The following TMEM181 variants were observed in gnomAD, a reference collection of about 807,000 sequenced individuals.
TMEM181 encodes the protein transmembrane protein 181.
A neutral mutation model predicts 71.9 loss-of-function variants in TMEM181; 39 were observed. That is an observed-to-expected ratio of 0.54 (90% confidence interval 0.42 to 0.71). TMEM181 has a LOEUF of 0.71. Among genes scored for constraint, TMEM181 ranks in the 30% least tolerant of loss-of-function variants. The pLI is 0.00. For missense variants in TMEM181, 595 were observed against 583.0 expected (o/e 1.02, Z -0.21); for synonymous variants, 245 against 228.8 (o/e 1.07, Z -0.64).
intron 1 of TMEM181, among the ~76,000 whole-genome samples, chr6:158,554,686 T>C (rs1357061544): frequency 6.6e-6 from 1 of 152,240 alleles, no homozygotes; most frequent in African/African-American, 2.4e-5. Flanking sequence ...TAAGGGTCCA[T>C]GCTAGATCTT....
upstream of TMEM181, among the ~76,000 whole-genome samples, chr6:158,559,617 C>G (rs1782037759): frequency 6.6e-6 from 1 of 152,184 alleles, no homozygotes; most frequent in South Asian, 2.1e-4. Flanking sequence ...GAGAAGCTAC[C>G]AGAAAGAGCC....
intron 1 of TMEM181, among the ~76,000 whole-genome samples, chr6:158,546,169 G>A (rs1781521020): frequency 6.6e-6 from 1 of 152,186 alleles, no homozygotes; most frequent in African/African-American, 2.4e-5. Flanking sequence ...CTGCCTCGTG[G>A]TGACAAGCTG....
At chr6:158,541,170 C>T (rs1472866006) in intron 1 of TMEM181, among the ~76,000 whole-genome samples, 1 of 152,064 alleles carries the variant, frequency 6.6e-6, no homozygotes, top group African/African-American at 2.4e-5. Flanking sequence ...AATCCTAGCA[C>T]TTTGGGAGGC....
intron 1 of TMEM181, chr6:158,572,606 G>A (rs537904873): frequency 1.6e-5 from 6 of 386,792 alleles, no homozygotes; most frequent in South Asian, 1.1e-4. Context: ...ACAGAGACCG[G>A]TGTTCCCAAA....
At chr6:158,571,123 G>T (rs894001403) in intron 1 of TMEM181, among the ~76,000 whole-genome samples, 2 of 150,864 alleles carry the variant, frequency 1.3e-5, no homozygotes, top group African/African-American at 2.4e-5. Flanking sequence ...TTGAGATGGA[G>T]TCTCGTTCTG....
intron 1 of TMEM181, among the ~76,000 whole-genome samples, chr6:158,545,928 T>A (rs1453383141): frequency 1.3e-5 from 2 of 152,200 alleles, no homozygotes; most frequent in Admixed American, 6.5e-5. Flanking sequence ...AGCAAAGTAA[T>A]CTTGGTTGTT....
chr6:158,588,036 G>A (rs1010345645), intron 5 of TMEM181, among the ~76,000 whole-genome samples: 1 of 152,186 alleles, frequency 6.6e-6, no homozygotes, highest in African/African-American at 2.4e-5. Context: ...TAGTTTTGTC[G>A]AGAAGGTGGA....
intron 5 of TMEM181, 70 bp downstream of exon 5, chr6:158,585,495 C>A (rs116646542): frequency 7.4e-7 from 1 of 1,358,358 alleles, no homozygotes; most frequent in Non-Finnish European, 9.6e-7. Flanking sequence ...GAGCCACTTT[C>A]CAGTCTAAAA....
chr6:158,614,693 G>A (rs1785516649), intron 10 of TMEM181, among the ~76,000 whole-genome samples: 1 of 152,034 alleles, frequency 6.6e-6, no homozygotes, highest in Non-Finnish European at 1.5e-5. Flanking sequence ...GTGTCCAAGT[G>A]TTCTCATTGT....
intron 13 of TMEM181, among the ~76,000 whole-genome samples, chr6:158,626,211 G>C (rs1786267318): frequency 6.6e-6 from 1 of 152,330 alleles, no homozygotes; most frequent in East Asian, 1.9e-4. Context: ...TCAGGGAGTG[G>C]CGTCAGCCTG....
At chr6:158,608,497 T>A in intron 9 of TMEM181, 34 bp downstream of exon 9, 1 of 1,613,222 alleles carries the variant, frequency 6.2e-7, no homozygotes, top group East Asian at 2.2e-5. Flanking sequence ...CCGGGGGAGG[T>A]TCCAGACTGT....
chr6:158,587,841 C>A (rs1487277753), intron 5 of TMEM181, among the ~76,000 whole-genome samples: 1 of 152,108 alleles, frequency 6.6e-6, no homozygotes, highest in Non-Finnish European at 1.5e-5. Context: ...GCCTGAGATA[C>A]AGCTCTTTTG....
chr6:158,623,435 G>A, intron 10 of TMEM181, 115 bp from the exon 11 acceptor site: 1 of 592,636 alleles, frequency 1.7e-6, no homozygotes, highest in Non-Finnish European at 2.9e-6. Context: ...TTCACTGTTG[G>A]TAGGAAGTAG....
At chr6:158,629,692 G>A (rs757538857) in intron 14 of TMEM181, 38 bp from the exon 15 acceptor site, 1 of 1,523,098 alleles carries the variant, frequency 6.6e-7, no homozygotes, top group Non-Finnish European at 8.9e-7. Context: ...TCTGACTGAT[G>A]TGTCCAGATG....
intron 1 of TMEM181, among the ~76,000 whole-genome samples, chr6:158,563,815 T>C (rs920665617): frequency 6.6e-6 from 1 of 152,172 alleles, no homozygotes; most frequent in Admixed American, 6.5e-5. Context: ...CTTTGCGAAC[T>C]CTGTTGCTCA....
upstream of TMEM181, among the ~76,000 whole-genome samples, chr6:158,557,658 C>T (rs1014896748): frequency 6.6e-6 from 1 of 152,142 alleles, no homozygotes; most frequent in Admixed American, 6.5e-5. Flanking sequence ...CCTGGGATTA[C>T]AGGCACCCGC....
intron 6 of TMEM181, 126 bp from the exon 7 acceptor site, chr6:158,605,130 AAGTGTGTGTGT>A (rs1407917317): frequency 8.2e-4 from 172 of 210,990 alleles, no homozygotes; most frequent in African/African-American, 3.2e-3. Context: ...AAAAAAAAAA[AAGTGTGTGTGT>A]GTGTGTGTGT....
At chr6:158,551,142 A>G in intron 1 of TMEM181, among the ~76,000 whole-genome samples, 1 of 152,002 alleles carries the variant, frequency 6.6e-6, no homozygotes, top group East Asian at 1.9e-4. Context: ...TTGTGTTTTT[A>G]GTAGAGACGG....
At chr6:158,592,063 T>G (rs905972644) in intron 6 of TMEM181, among the ~76,000 whole-genome samples, 1 of 152,162 alleles carries the variant, frequency 6.6e-6, no homozygotes, top group African/African-American at 2.4e-5. Flanking sequence ...CTGGTGGCAC[T>G]CTTCAGCATC....
Sources: gnomAD v4.1 joint callset for allele counts (sites outside exome capture counted in the v4.1 genomes callset) on GRCh38, gnomAD v4.1.1 for gene constraint, MANE v1.5 for transcripts, NCBI Gene and HGNC (gene_info 2026-07-23, HGNC 2026-07-21) for gene names.